GOLGA3: variants seen among roughly 807,000 people sequenced by gnomAD.
The protein encoded by GOLGA3 is golgin subfamily A member 3.
In GOLGA3, 75 loss-of-function variants were observed where a neutral mutation model predicts 169.4. The observed-to-expected ratio is 0.44, with a 90% CI of 0.37 to 0.54. The LOEUF is 0.54. GOLGA3 is among the 20% of genes least tolerant of loss of function. The pLI is 0.00. For missense variants in GOLGA3, 1,899 were observed against 1,930.0 expected, an observed-to-expected ratio of 0.98 and a Z score of 0.30; for synonymous variants, 824 against 822.4, an observed-to-expected ratio of 1.00 and a Z score of -0.03.
chr12:132,824,236 T>C (rs1264917184), intron 1 of GOLGA3, among the ~76,000 whole-genome samples: 3 of 152,230 alleles, frequency 2.0e-5, no homozygotes, highest in Non-Finnish European at 4.4e-5. Context: ...AGGAAACCTA[T>C]GGGTGGTGGG....
chr12:132,786,002 G>T (rs1237437571), intron 15 of GOLGA3, among the ~76,000 whole-genome samples: 1 of 152,234 alleles, frequency 6.6e-6, no homozygotes, highest in African/African-American at 2.4e-5. Flanking sequence ...TGAGATGCGA[G>T]GAGGCGCAGA....
intron 4 of GOLGA3, among the ~76,000 whole-genome samples, chr12:132,811,290 G>A (rs9668981): frequency 3.4e-4 from 52 of 152,202 alleles, no homozygotes; most frequent in African/African-American, 1.2e-3. Context: ...AAAACCCACT[G>A]ACCCTGTGGG....
chr12:132,812,011 A>AAG (rs1248505715), intron 4 of GOLGA3, among the ~76,000 whole-genome samples: 1 of 149,420 alleles, frequency 6.7e-6, no homozygotes, highest in African/African-American at 2.5e-5. Context: ...TCAAAAAAAA[A>AAG]AAAAAAAAAA....
In GOLGA3 at chr12:132,808,517, A is replaced by G. The variant is rs1949536699; in HGVS notation, c.552T>C (p.Phe184=). 1 of 1,596,308 alleles carries G rather than the reference A, an allele frequency of 6.3e-7. No homozygotes were observed. Among genetic ancestry groups the G allele is most frequent in the Admixed American group, 1.7e-5 (1 of 57,186 alleles). Residue 184 remains phenylalanine, a synonymous_variant, in exon 5 of 24, where the codon TTT becomes TTC. Transcript: ENST00000450791. ...SSQPATKTRL[F]STLDPELMLN... is the part of the protein sequence containing the mutation. ...ACATGAGCTCAGGATCAAGCGTGCTAAAAAGTCTCGTTTTGGTTGCAGGTT... is the reference window on the plus strand; with the variant it reads ...ACATGAGCTCAGGATCAAGCGTGCTGAAAAGTCTCGTTTTGGTTGCAGGTT...
At chr12:132,782,703 C>G (rs2045671947) in intron 16 of GOLGA3, among the ~76,000 whole-genome samples, 1 of 151,904 alleles carries the variant, frequency 6.6e-6, no homozygotes. Context: ...ATGGTGAAAC[C>G]CCGTCCCTAC....
chr12:132,820,347 GTAA>G (rs1000119749), intron 2 of GOLGA3, among the ~76,000 whole-genome samples: 1 of 152,156 alleles, frequency 6.6e-6, no homozygotes, highest in African/African-American at 2.4e-5. Flanking sequence ...TCTAAAAACA[GTAA>G]TAAAATGTTT....
At chr12:132,774,554 C>T (rs1340485879) in intron 22 of GOLGA3, 6 of 583,224 alleles carry the variant, frequency 1.0e-5, no homozygotes, top group African/African-American at 7.5e-5. Flanking sequence ...CAGAGACAAC[C>T]TAAGTCCTGG....
rs888578022 is a variant in GOLGA3, at chr12:132,775,316, T to TG, written c.3979-12dup. On this transcript the variant is annotated splice_polypyrimidine_tract_variant and intron_variant, in intron 21 of 23. Transcript: ENST00000450791. ...CTCAGACTTGACGTTCTGTGGAAAA[T>TG]GAAGTCAGATTTTTAAAAGCTAACA... The TG allele has an allele frequency of 1.9e-6, 3 of 1,591,418 alleles. No homozygotes were observed. The highest frequency in any genetic ancestry group is 2.6e-6 in the Non-Finnish European group (3 of 1,169,978).
chr12:132,770,873 G>C lies in GOLGA3; in HGVS notation c.*2232C>G, dbSNP rs991988247. On this transcript the variant is annotated 3_prime_UTR_variant, in exon 24 of 24. Coordinates refer to ENST00000450791, the MANE Select transcript of GOLGA3 (RefSeq NM_001389683.1). ...TGGTCTGGACCTCTTGACCTCAGGTGATCCACCCGCCTCGGCCTCCCAAAG... is the reference window on the plus strand; with the variant it reads ...TGGTCTGGACCTCTTGACCTCAGGTCATCCACCCGCCTCGGCCTCCCAAAG... The C allele has an allele frequency of 1.3e-5, 2 of 152,208 alleles. No homozygotes were observed. The highest frequency in any genetic ancestry group is 2.9e-5 in the Non-Finnish European group (2 of 68,056). The allele number at this position is 152,208 out of a possible 1,614,324, so 9.4% of individuals were successfully genotyped here. A position where few individuals can be genotyped will look rare whatever the true frequency, so the allele number is the denominator to read the frequency against.
At chr12:132,800,689 G>A (rs1053091527) in intron 8 of GOLGA3, among the ~76,000 whole-genome samples, 5 of 152,086 alleles carry the variant, frequency 3.3e-5, no homozygotes, top group Admixed American at 6.6e-5. Context: ...GGCCAGGTGC[G>A]GTGGCTCACG....
intron 8 of GOLGA3, 119 bp from the exon 9 acceptor site, chr12:132,798,596 G>A (rs559960743): frequency 1.2e-4 from 72 of 598,476 alleles, no homozygotes; most frequent in East Asian, 4.6e-4. Context: ...TGTCTCCCAC[G>A]CAAGCCCCAC....
intron 2 of GOLGA3, 59 bp downstream of exon 2, chr12:132,821,937 G>T: frequency 1.8e-6 from 2 of 1,091,528 alleles, no homozygotes; most frequent in Non-Finnish European, 2.6e-6. Context: ...TCAACACCAC[G>T]TCCTCCCTCA....
At chr12:132,826,245 A>C in intron 1 of GOLGA3, 1 of 1,253,656 alleles carries the variant, frequency 8.0e-7, no homozygotes, top group Non-Finnish European at 1.1e-6. Context: ...TTCTCCAAAA[A>C]AAAAAAAAAA....
At position 132,789,130 on chromosome 12, in the gene GOLGA3, C is replaced by G. The variant is rs372473097; in HGVS notation, c.2708G>C (p.Arg903Pro). Residue 903 changes from arginine (R) to proline (P), a missense_variant, in exon 13 of 24, where the codon CGC becomes CCC. Physicochemically the swap from Arg to Pro is moderately radical, Grantham distance 103. Transcript: ENST00000450791. ...GACCTGGGCCACCTCTCTGTGCAGG[C>G]GCGAGAGCTCCGCCTCGGCAGTCCG... ...EKRTAEAELS[R>P]LHREVAQVRQ... 6.2e-7 allele frequency: 1 copy of G among 1,613,128 alleles called. No homozygotes were observed. The highest frequency in any genetic ancestry group is 8.5e-7 in the Non-Finnish European group (1 of 1,180,034).
rs760729413 is a variant in GOLGA3, at chr12:132,789,271, C to T, written c.2567G>A (p.Arg856Gln). Residue 856 changes from arginine to glutamine, a missense_variant, in exon 13 of 24, where the codon CGG (arginine) becomes CAG (glutamine). Arg to Gln is a conservative substitution (Grantham distance 43). Coordinates refer to ENST00000450791, the MANE Select transcript of GOLGA3 (RefSeq NM_001389683.1). ...LQQKVMVEAY[R>Q]RDATSKDQLI... ...CTGGTCTTTGGAGGTGGCGTCGCGC[C>T]GGTAGGCCTCCACCATCACCTGCCA... The T allele has an allele frequency of 3.8e-6, 6 of 1,598,170 alleles. No homozygotes were observed. The highest frequency in any genetic ancestry group is 2.2e-5 in the East Asian group (1 of 44,786).
Position 132,813,327 on chromosome 12 carries a change from C to A in GOLGA3, c.499G>T (p.Val167Leu), listed in dbSNP as rs142405858. ...CTCACCCTCTCCTGCTGGCGCTTCACCCTGTACTGTTTGAGCTGCTCTTCC... is the reference window on the plus strand; with the variant it reads ...CTCACCCTCTCCTGCTGGCGCTTCAACCTGTACTGTTTGAGCTGCTCTTCC... ...WLEEQLKQYR[V>L]KRQQERSSQP... Residue 167 changes from valine (V) to leucine (L), a missense_variant, in exon 4 of 24, where the codon GTG becomes TTG. Transcript: ENST00000450791. 1,542 of 1,612,182 alleles carry A rather than the reference C, an allele frequency of 9.6e-4. 10 individuals carry two copies. Among genetic ancestry groups the A allele is most frequent in the Non-Finnish European group, 1.8e-4 (212 of 1,178,542 alleles).
At position 132,790,083 on chromosome 12, in the gene GOLGA3, G is replaced by C. The variant is rs556982478; in HGVS notation, c.2548-793C>G. On this transcript the variant is annotated intron_variant, in intron 12 of 23. Coordinates refer to ENST00000450791, the MANE Select transcript of GOLGA3 (RefSeq NM_001389683.1). ...GTGGTGGCTCATGCCTGTAATCCCA[G>C]CACTTTGGGAGGCCAAGGTGGGCGG... Among the ~76,000 whole-genome samples the C allele has an allele frequency of 2.0e-3, 300 of 152,246 alleles. 2 individuals are homozygous for C. The highest frequency in any genetic ancestry group is 7.1e-3 in the African/African-American group (294 of 41,520).
intron 11 of GOLGA3, among the ~76,000 whole-genome samples, chr12:132,792,323 G>C (rs1948568695): frequency 6.6e-6 from 1 of 152,234 alleles, no homozygotes; most frequent in African/African-American, 2.4e-5. Context: ...TGCCTGATGG[G>C]AAAAGACTGC....
rs10870514 is a variant in GOLGA3, at chr12:132,804,390, G to T, written c.1597+326C>A. Among the ~76,000 whole-genome samples, 16,417 of 152,210 alleles carry T rather than the reference G, an allele frequency of 0.11. 1,765 individuals are homozygous for T. Among genetic ancestry groups the T allele is most frequent in the East Asian group, 0.46 (2,402 of 5,172 alleles). ...CACAAAAATGTACACAATTCCACAA[G>T]TTCAACTAAAACTTGTATTTCCTTT... On this transcript the variant is annotated intron_variant, in intron 7 of 23. Transcript: ENST00000450791. This position sits in a 1 kb window ranked among gnomAD's most constrained non-coding sequence, Gnocchi z 4.1.
Sources: gnomAD v4.1 joint callset for allele counts (sites outside exome capture counted in the v4.1 genomes callset) on GRCh38, gnomAD v4.1.1 for gene constraint, Gnocchi (gnomAD v3.1) non-coding constraint, MANE v1.5 for transcripts, NCBI Gene and HGNC (gene_info 2026-07-23, HGNC 2026-07-21) for gene names.